EPAS1: variants seen among roughly 807,000 people sequenced by gnomAD.
EPAS1 encodes endothelial PAS domain-containing protein 1.
In EPAS1, 23 loss-of-function variants were observed where a neutral mutation model predicts 87.9. The ratio of observed to expected loss-of-function variants is 0.26; its 90% CI spans 0.19 to 0.37. The LOEUF is 0.37. Among genes scored for constraint, EPAS1 ranks in the 10% least tolerant of loss-of-function variants. The pLI is 1.00. For synonymous variants in EPAS1, 508 were observed against 444.3 expected (o/e 1.14, Z -1.80); for missense variants, 1,138 against 1,120.7 (o/e 1.02, Z -0.22).
rs532455113 is a variant in EPAS1, at chr2:46,369,965, T to TTGTGTCTGTGGTA, written c.886+37_886+49dup. 5.3e-5 allele frequency: 82 copies of TTGTGTCTGTGGTA among 1,544,194 alleles called. 1 individual carries two copies. In the South Asian group the frequency reaches 5.4e-4, roughly 10 times the overall value. On this transcript the variant is annotated intron_variant, in intron 7 of 15. Coordinates refer to ENST00000263734, the MANE Select transcript of EPAS1 (RefSeq NM_001430.5). ...TCCAGGAGTGCCCCTTGTGGCTTCC[T>TTGTGTCTGTGGTA]TGTGTCTGTGGTATGTGGCCTTGAG...
intron 1 of EPAS1, among the ~76,000 whole-genome samples, chr2:46,331,168 A>G (rs1037975357): frequency 6.6e-6 from 1 of 152,232 alleles, no homozygotes; most frequent in African/African-American, 2.4e-5. Context: ...GTAAGTGTCC[A>G]AGTCCTCAAG....
chr2:46,305,987 A>T (rs1683103395), intron 1 of EPAS1, among the ~76,000 whole-genome samples: 1 of 152,174 alleles, frequency 6.6e-6, no homozygotes, highest in Non-Finnish European at 1.5e-5. Context: ...TCTCATTTTT[A>T]GTCCGAGGTG....
rs1684064946 is a variant in EPAS1, at chr2:46,347,838, G to A, written c.217+775G>A. ...AGTCTTCTGGTTTCAGATCCTAGGT[G>A]ACATTCTCGTCAGGGGTGTCAGTTC... On this transcript the variant is annotated intron_variant, in intron 2 of 15. Coordinates refer to ENST00000263734, the MANE Select transcript of EPAS1 (RefSeq NM_001430.5). This position sits in a 1 kb window ranked among gnomAD's most constrained non-coding sequence, Gnocchi z 4.2. Among the ~76,000 whole-genome samples, 4 of 152,196 alleles carry A rather than the reference G, an allele frequency of 2.6e-5. No homozygotes were observed.
At chr2:46,324,215 C>T (rs1440319471) in intron 1 of EPAS1, among the ~76,000 whole-genome samples, 2 of 152,098 alleles carry the variant, frequency 1.3e-5, no homozygotes, top group African/African-American at 4.8e-5. Context: ...TACAGGCACC[C>T]GCCACCACGC....
chr2:46,302,118 CTGTGTGTGTG>C (rs35880089), intron 1 of EPAS1, among the ~76,000 whole-genome samples: 37 of 127,634 alleles, frequency 2.9e-4, no homozygotes, highest in African/African-American at 1.1e-3. Context: ...CTCTTTCTCT[CTGTGTGTGTG>C]TGTGTGTGTG....
In EPAS1 at chr2:46,356,130, CCCA is replaced by C; in HGVS notation, c.218-18_218-16del. ...TTCACTCCACATTCATGCAAGCTGT[CCCA>C]CCCCCCCCCCTTTCCAGTTTGCTCT... On this transcript the variant is annotated intron_variant, in intron 2 of 15. Transcript: ENST00000263734. 3 of 1,210,034 alleles carry C rather than the reference CCCA, an allele frequency of 2.5e-6. No individual in the cohort carries two copies. The highest frequency in any genetic ancestry group is 3.5e-6 in the Non-Finnish European group (3 of 860,464). 75.0% of individuals were successfully genotyped at this position (1,210,034 alleles called of 1,614,324 possible). A position where few individuals can be genotyped will look rare whatever the true frequency, so the allele number is the denominator to read the frequency against.
At chr2:46,350,618 A>C (rs149784286) in intron 2 of EPAS1, among the ~76,000 whole-genome samples, 5 of 152,250 alleles carry the variant, frequency 3.3e-5, no homozygotes, top group Middle Eastern at 3.2e-3. Flanking sequence ...TGATTGTCCT[A>C]AATCCTCTTT....
intron 1 of EPAS1, among the ~76,000 whole-genome samples, chr2:46,302,791 G>A (rs556840874): frequency 6.6e-6 from 1 of 151,688 alleles, no homozygotes; most frequent in Non-Finnish European, 1.5e-5. Flanking sequence ...AAAATATAAG[G>A]GGTTGGGCGT....
intron 7 of EPAS1, 90 bp downstream of exon 7, chr2:46,370,023 C>A: frequency 2.1e-6 from 2 of 935,882 alleles, no homozygotes; most frequent in Non-Finnish European, 3.4e-6. Flanking sequence ...AAGACCAGGT[C>A]ACTTCCTCCA....
rs778625745 is a variant in EPAS1 at position 46,380,379 on chromosome 2, C to G, written c.1707C>G (p.Asn569Lys). 6.2e-6 allele frequency: 10 copies of G among 1,614,078 alleles called. No homozygotes were observed. The highest frequency in any genetic ancestry group is 7.6e-6 in the Non-Finnish European group (9 of 1,180,034). ...AGCACTGCTTCAGTGCCATGACAAA[C>G]ATCTTCCAGCCACTGGCCCCTGTAG... ...TPQHCFSAMT[N>K]IFQPLAPVAP... Residue 569 changes from asparagine to lysine, a missense_variant, in exon 12 of 16, where the codon AAC becomes AAG. Asn to Lys is a moderately conservative substitution (Grantham distance 94). Around this residue, in one of 4 missense-constraint regions of EPAS1, gnomAD observed 502 missense variants for 427.1 expected, o/e 1.18. Coordinates refer to ENST00000263734, the MANE Select transcript of EPAS1 (RefSeq NM_001430.5). The surrounding 1 kb of genome is among the most constrained non-coding windows in gnomAD (Gnocchi z 4.4).
At chr2:46,357,453 C>A (rs1684291845) in intron 4 of EPAS1, among the ~76,000 whole-genome samples, 1 of 152,184 alleles carries the variant, frequency 6.6e-6, no homozygotes, top group Non-Finnish European at 1.5e-5. Context: ...TATGGTGTCT[C>A]TAGGGTAGCC....
chr2:46,312,207 T>C (rs557730079), intron 1 of EPAS1, among the ~76,000 whole-genome samples: 72 of 152,166 alleles, frequency 4.7e-4, no homozygotes, highest in Non-Finnish European at 9.1e-4. Context: ...GGATTGTAAA[T>C]GCTCCCGAGT....
At chr2:46,363,011 GTGGTGGTGATAATGA>G (rs1483069596) in intron 6 of EPAS1, among the ~76,000 whole-genome samples, 1 of 114,712 alleles carries the variant, frequency 8.7e-6, no homozygotes, top group Non-Finnish European at 1.9e-5. Context: ...GGTGGTGGTG[GTGGTGGTGATAATGA>G]TGGTGGTTCA....
intron 7 of EPAS1, among the ~76,000 whole-genome samples, chr2:46,370,675 T>G (rs1684609803): frequency 6.6e-6 from 1 of 152,252 alleles, no homozygotes; most frequent in South Asian, 2.1e-4. Flanking sequence ...ACCGAGGAAC[T>G]GAACTTTATA....
chr2:46,331,532 G>A (rs1442080408), intron 1 of EPAS1, among the ~76,000 whole-genome samples: 1 of 152,166 alleles, frequency 6.6e-6, no homozygotes, highest in African/African-American at 2.4e-5. Flanking sequence ...ATAGAGTTGT[G>A]GGGTTTGGCA....
Position 46,297,514 on chromosome 2 carries a change from A to C in EPAS1, c.-398A>C, listed in dbSNP as rs1323705392. 2 of 294,120 alleles carry C rather than the reference A, an allele frequency of 6.8e-6. No homozygotes were observed. Among genetic ancestry groups the C allele is most frequent in the East Asian group, 2.2e-4 (2 of 9,272 alleles). 18.2% of individuals were successfully genotyped at this position (294,120 alleles called of 1,614,324 possible). Reference sequence around the variant, plus strand: ...GGCAGTGTCCTGAGACTGTATGGTCAGCTCAGCCCGGCCTCCGACTCCTTC... The same window carrying C: ...GGCAGTGTCCTGAGACTGTATGGTCCGCTCAGCCCGGCCTCCGACTCCTTC... On this transcript the variant is annotated 5_prime_UTR_variant, in exon 1 of 16. Coordinates refer to ENST00000263734, the MANE Select transcript of EPAS1 (RefSeq NM_001430.5).
At chr2:46,330,589 G>A (rs1283114262) in intron 1 of EPAS1, among the ~76,000 whole-genome samples, 1 of 152,234 alleles carries the variant, frequency 6.6e-6, no homozygotes, top group Non-Finnish European at 1.5e-5. Context: ...CAGGCTCAGT[G>A]CCCATGGAGA....
intron 15 of EPAS1, 64 bp from the exon 16 acceptor site, chr2:46,384,445 A>C (rs1684964537): frequency 6.2e-7 from 1 of 1,609,268 alleles, no homozygotes; most frequent in Non-Finnish European, 8.5e-7. Context: ...AGTCACAAAG[A>C]AGTAGACACT....
chr2:46,374,469 G>A (rs1315200162), intron 7 of EPAS1, among the ~76,000 whole-genome samples: 1 of 152,346 alleles, frequency 6.6e-6, no homozygotes, highest in East Asian at 1.9e-4. Context: ...TGTGGGTACA[G>A]TCGATCCTCA....
Sources: gnomAD v4.1 joint callset for allele counts (sites outside exome capture counted in the v4.1 genomes callset) on GRCh38, gnomAD v4.1.1 for gene constraint, gnomAD v4.1.1 regional missense constraint, Gnocchi (gnomAD v3.1) non-coding constraint, MANE v1.5 for transcripts, NCBI Gene and HGNC (gene_info 2026-07-23, HGNC 2026-07-21) for gene names.